MMP26: variants seen among roughly 807,000 people sequenced by gnomAD.
MMP26 encodes the protein matrix metallopeptidase 26, also known as matrix metalloproteinase-26.
MMP26 carries 33 observed loss-of-function variants against 31.0 expected under a neutral mutation model. The ratio of observed to expected loss-of-function variants is 1.06; its 90% confidence interval spans 0.81 to 1.42. The LOEUF (loss-of-function observed/expected upper bound fraction) is 1.42, where lower values mean the gene tolerates loss of function less well. MMP26 is among the 40% of genes most tolerant of loss of function. MMP26 has a pLI of 0.00. For synonymous variants in MMP26, 122 were observed against 114.9 expected, an observed-to-expected ratio of 1.06 and a Z score of -0.40; for missense variants, 347 against 316.1, an observed-to-expected ratio of 1.10 and a Z score of -0.74.
At chr11:4,768,756 A>T (rs1160950368) in intron 2 of MMP26, among the ~76,000 whole-genome samples, 2 of 152,220 alleles carry the variant, frequency 1.3e-5, no homozygotes, top group Admixed American at 1.3e-4. Context: ...CAGGAGTATT[A>T]TTTATCATTT....
chr11:4,848,219 C>T (rs1477379014), intron 2 of MMP26: 1 of 1,580,320 alleles, frequency 6.3e-7, no homozygotes, highest in Non-Finnish European at 8.6e-7. Flanking sequence ...TACCACCAAA[C>T]ACGGAGGGAC....
chr11:4,915,553 G>A, intron 2 of MMP26: 1 of 1,614,076 alleles, frequency 6.2e-7, no homozygotes, highest in Non-Finnish European at 8.5e-7. Context: ...GATACATGAA[G>A]CACAGTGGGA....
intron 2 of MMP26, among the ~76,000 whole-genome samples, chr11:4,964,782 C>G (rs2133624721): frequency 6.6e-6 from 1 of 152,184 alleles, no homozygotes; most frequent in South Asian, 2.1e-4. Flanking sequence ...AAGGATGGAG[C>G]TAGAGACCAT....
chr11:4,813,899 C>A (rs975232532), intron 2 of MMP26, among the ~76,000 whole-genome samples: 4 of 151,970 alleles, frequency 2.6e-5, no homozygotes, highest in African/African-American at 9.7e-5. Flanking sequence ...ATTCACAATG[C>A]ATATATCTGA....
At chr11:4,901,383 A>G (rs999446524) in intron 2 of MMP26, among the ~76,000 whole-genome samples, 7 of 151,844 alleles carry the variant, frequency 4.6e-5, no homozygotes, top group Non-Finnish European at 7.4e-5. Context: ...GATGGTCTCA[A>G]TCTCCTGACC....
Position 4,907,928 on chromosome 11 carries a change from C to A in MMP26, c.-144-80140C>A, listed in dbSNP as rs773678445. ...CTGTCTTCATCAGGATACCATGAAG[C>A]TGGCCTGCTCTGACAACAAGACCAA... On this transcript the variant is annotated intron_variant, in intron 2 of 7. Coordinates refer to ENST00000380390, the MANE Select transcript of MMP26 (RefSeq NM_021801.5). The A allele has an allele frequency of 5.6e-6, 9 of 1,614,048 alleles. No homozygotes were observed. In the Admixed American group the frequency reaches 1.3e-4, roughly 24 times the overall value.
At chr11:4,866,599 G>C (rs1260089377) in intron 2 of MMP26, among the ~76,000 whole-genome samples, 2 of 151,980 alleles carry the variant, frequency 1.3e-5, no homozygotes, top group Non-Finnish European at 2.9e-5. Context: ...AATTCATATG[G>C]AACCAAAAAA....
intron 2 of MMP26, among the ~76,000 whole-genome samples, chr11:4,935,446 A>T (rs1359789648): frequency 2.0e-5 from 3 of 151,510 alleles, no homozygotes; most frequent in African/African-American, 4.8e-5. Flanking sequence ...GACTTTGCTG[A>T]AGTTGCTTAT....
At chr11:4,905,970 T>C in intron 2 of MMP26, among the ~76,000 whole-genome samples, 1 of 152,180 alleles carries the variant, frequency 6.6e-6, no homozygotes. Flanking sequence ...TAGCATTTAT[T>C]TGACTAAATA....
chr11:4,944,161 G>C (rs554909715), intron 2 of MMP26: 1 of 446,116 alleles, frequency 2.2e-6, no homozygotes, highest in African/African-American at 2.0e-5. Context: ...CATAGGAACA[G>C]TTCTTGCCCT....
intron 2 of MMP26, among the ~76,000 whole-genome samples, chr11:4,897,209 G>A (rs917594100): frequency 3.3e-5 from 5 of 151,846 alleles, no homozygotes; most frequent in Admixed American, 1.3e-4. Flanking sequence ...GCAGGATCTC[G>A]GCTCACTGCA....
At chr11:4,874,178 G>T (rs1321055949) in intron 2 of MMP26, among the ~76,000 whole-genome samples, 2 of 152,078 alleles carry the variant, frequency 1.3e-5, no homozygotes, top group Non-Finnish European at 2.9e-5. Context: ...CTAGTCACAC[G>T]TGGCTATTGA....
In MMP26 at chr11:4,759,291, C is replaced by T. The variant is rs138899290; in HGVS notation, c.-216-7979C>T. Among the ~76,000 whole-genome samples the T allele has an allele frequency of 7.0e-3, 1,063 of 152,118 alleles. 7 individuals carry two copies. The highest frequency in any genetic ancestry group is 9.9e-3 in the Non-Finnish European group (671 of 68,006). ...AAGATTAGTAAGGATTGTTAGGCTG[C>T]GGGAAATCTGGCACAGTTGTGTCAC... On this transcript the variant is annotated intron_variant, in intron 1 of 7. Coordinates refer to ENST00000380390, the MANE Select transcript of MMP26 (RefSeq NM_021801.5).
chr11:4,908,052 C>T (rs764179807), intron 2 of MMP26: 4 of 1,614,166 alleles, frequency 2.5e-6, no homozygotes, highest in Non-Finnish European at 3.4e-6. Context: ...CTCAGCATTG[C>T]ATCTTTGGCA....
chr11:4,908,373 T>A, intron 2 of MMP26: 2 of 1,346,588 alleles, frequency 1.5e-6, no homozygotes, highest in Non-Finnish European at 2.1e-6. Flanking sequence ...GCTATGTGCT[T>A]AATGCCATAG....
chr11:4,705,831 A>G (rs1463575963), intron 1 of MMP26, among the ~76,000 whole-genome samples: 2 of 151,712 alleles, frequency 1.3e-5, no homozygotes, highest in African/African-American at 4.8e-5. Context: ...CTACTAAAAT[A>G]CAAAAAATTA....
At chr11:4,758,744 T>C (rs1477843316) in intron 1 of MMP26, among the ~76,000 whole-genome samples, 2 of 152,162 alleles carry the variant, frequency 1.3e-5, no homozygotes, top group African/African-American at 4.8e-5. Context: ...AGGGTAATTA[T>C]AAATTTGGAG....
At chr11:4,986,273 T>C (rs1846885520) in intron 2 of MMP26, among the ~76,000 whole-genome samples, 1 of 152,160 alleles carries the variant, frequency 6.6e-6, no homozygotes, top group Non-Finnish European at 1.5e-5. Context: ...AGAATTGCCT[T>C]ATAATAAGCC....
At chr11:4,723,172 G>A (rs1402998339) in intron 1 of MMP26, 6 of 1,595,362 alleles carry the variant, frequency 3.8e-6, no homozygotes, top group Non-Finnish European at 5.1e-6. Flanking sequence ...CACGCTGCTC[G>A]GCATCTGCGA....
Sources: allele counts gnomAD v4.1 joint callset (sites outside exome capture counted in the v4.1 genomes callset), GRCh38; gene constraint gnomAD v4.1.1; transcripts MANE v1.5; gene names NCBI Gene and HGNC (gene_info 2026-07-23, HGNC 2026-07-21).